The following CNTN5 variants were observed in gnomAD, a reference collection of about 807,000 sequenced individuals.
CNTN5 encodes the protein contactin 5, also known as contactin-5.
CNTN5 carries 77 observed loss-of-function variants against 129.1 expected under a neutral mutation model. The ratio of observed to expected loss-of-function variants is 0.60; its 90% CI spans 0.50 to 0.72. The LOEUF (loss-of-function observed/expected upper bound fraction) is 0.72. CNTN5 is among the 30% of genes least tolerant of loss of function. The pLI is 0.00. For synonymous variants in CNTN5, 509 were observed against 465.6 expected (o/e 1.09, Z -1.20); for missense variants, 1,478 against 1,328.8 (o/e 1.11, Z -1.75).
intron 1 of CNTN5, among the ~76,000 whole-genome samples, chr11:99,069,748 C>T (rs1324024127): frequency 6.6e-6 from 1 of 152,154 alleles, no homozygotes. Context: ...GTTGCTTTTA[C>T]ATACCGGGTC....
intron 1 of CNTN5, among the ~76,000 whole-genome samples, chr11:99,289,353 G>T (rs755151395): frequency 6.6e-6 from 1 of 151,748 alleles, no homozygotes; most frequent in African/African-American, 2.4e-5. Context: ...TAGAAAATAA[G>T]TAGTCTCTTA....
At chr11:99,840,738 A>C (rs959986169) in intron 4 of CNTN5, among the ~76,000 whole-genome samples, 1 of 152,166 alleles carries the variant, frequency 6.6e-6, no homozygotes, top group Non-Finnish European at 1.5e-5. Flanking sequence ...TTGGTTGAAG[A>C]GTTTAATTAA....
At chr11:100,118,600 C>T (rs1214038428) in intron 13 of CNTN5, among the ~76,000 whole-genome samples, 1 of 151,790 alleles carries the variant, frequency 6.6e-6, no homozygotes, top group Non-Finnish European at 1.5e-5. Flanking sequence ...TTTGTAATTA[C>T]TTTGGATTTT....
intron 9 of CNTN5, among the ~76,000 whole-genome samples, chr11:100,023,345 G>A (rs1941260837): frequency 6.6e-6 from 1 of 152,014 alleles, no homozygotes; most frequent in Admixed American, 6.6e-5. Flanking sequence ...TTTTTAAAAA[G>A]AACTTTATTG....
At chr11:99,535,574 G>A (rs568279971) in intron 2 of CNTN5, among the ~76,000 whole-genome samples, 1 of 152,270 alleles carries the variant, frequency 6.6e-6, no homozygotes, top group South Asian at 2.1e-4. Context: ...TAAGACCTAG[G>A]CATGAGAATG....
intron 6 of CNTN5, among the ~76,000 whole-genome samples, chr11:99,888,949 C>T (rs895355905): frequency 2.0e-5 from 3 of 150,970 alleles, no homozygotes; most frequent in Non-Finnish European, 2.9e-5. Context: ...AGGAAGAATT[C>T]GTATAAAATG....
chr11:99,682,675 C>T, intron 3 of CNTN5, among the ~76,000 whole-genome samples: 1 of 151,798 alleles, frequency 6.6e-6, no homozygotes, highest in East Asian at 1.9e-4. Flanking sequence ...TTAAAATTGG[C>T]ACATAAAACC....
At chr11:99,268,918 G>A (rs1225526715) in intron 1 of CNTN5, among the ~76,000 whole-genome samples, 1 of 151,946 alleles carries the variant, frequency 6.6e-6, no homozygotes, top group Non-Finnish European at 1.5e-5. Context: ...AATCTCCAAT[G>A]ACCCTAAAAT....
intron 15 of CNTN5, among the ~76,000 whole-genome samples, chr11:100,212,740 T>C (rs1280908183): frequency 6.6e-6 from 1 of 152,130 alleles, no homozygotes; most frequent in African/African-American, 2.4e-5. Flanking sequence ...TTTTCATTTA[T>C]ATTCAAAAAG....
At chr11:99,225,059 T>C (rs1860608726) in intron 1 of CNTN5, among the ~76,000 whole-genome samples, 1 of 152,116 alleles carries the variant, frequency 6.6e-6, no homozygotes, top group East Asian at 1.9e-4. Flanking sequence ...TTGGACAATA[T>C]ATATTTTAAA....
chr11:99,321,027 T>G (rs1016624721), intron 1 of CNTN5, among the ~76,000 whole-genome samples: 2 of 152,126 alleles, frequency 1.3e-5, no homozygotes, highest in East Asian at 1.9e-4. Flanking sequence ...ACATTGCTTG[T>G]TTTTTTGTTT....
At chr11:99,736,472 C>T (rs1359014921) in intron 3 of CNTN5, among the ~76,000 whole-genome samples, 1 of 152,102 alleles carries the variant, frequency 6.6e-6, no homozygotes, top group Non-Finnish European at 1.5e-5. Flanking sequence ...AACAGATTGG[C>T]CTCCAGTCAA....
At chr11:99,959,852 A>G (rs554254490) in intron 8 of CNTN5, among the ~76,000 whole-genome samples, 3 of 152,330 alleles carry the variant, frequency 2.0e-5, no homozygotes, top group Non-Finnish European at 2.9e-5. Context: ...TTTTTACCAG[A>G]GAAGCTACAA....
intron 4 of CNTN5, among the ~76,000 whole-genome samples, chr11:99,834,060 G>A (rs569332324): frequency 6.6e-6 from 1 of 152,180 alleles, no homozygotes; most frequent in Non-Finnish European, 1.5e-5. Flanking sequence ...TAATCTGACT[G>A]GATATTTCAT....
chr11:99,686,260 T>A (rs1387877257), intron 3 of CNTN5, among the ~76,000 whole-genome samples: 1 of 152,140 alleles, frequency 6.6e-6, no homozygotes, highest in Admixed American at 6.6e-5. Context: ...AATGCTTATT[T>A]AGAGTCATTT....
chr11:99,642,306 G>A (rs1264747561), intron 3 of CNTN5, among the ~76,000 whole-genome samples: 1 of 152,096 alleles, frequency 6.6e-6, no homozygotes, highest in African/African-American at 2.4e-5. Context: ...CTGTCATTTG[G>A]TTTTATGAAG....
At chr11:99,836,166 T>C (rs1296906838) in intron 4 of CNTN5, among the ~76,000 whole-genome samples, 2 of 151,658 alleles carry the variant, frequency 1.3e-5, no homozygotes, top group Admixed American at 6.6e-5. Flanking sequence ...AATTATACTT[T>C]AAGTTCTAGG....
At chr11:99,153,487 G>GA (rs1860173508) in intron 1 of CNTN5, among the ~76,000 whole-genome samples, 2 of 139,422 alleles carry the variant, frequency 1.4e-5, no homozygotes, top group South Asian at 5.0e-4. Flanking sequence ...TATCAGATCA[G>GA]GTTTTTTTTT....
intron 1 of CNTN5, among the ~76,000 whole-genome samples, chr11:99,194,285 A>G (rs779550566): frequency 2.0e-5 from 3 of 152,168 alleles, no homozygotes; most frequent in Non-Finnish European, 4.4e-5. Context: ...TTTCAAAGAG[A>G]TAAAAGTAGC....
Sources: gnomAD v4.1 joint callset for allele counts (sites outside exome capture counted in the v4.1 genomes callset) on GRCh38, gnomAD v4.1.1 for gene constraint, MANE v1.5 for transcripts, NCBI Gene and HGNC (gene_info 2026-07-23, HGNC 2026-07-21) for gene names.